The following METTL16 variants were observed in gnomAD, a reference collection of about 807,000 sequenced individuals.
The protein encoded by METTL16 is RNA N(6)-adenosine-methyltransferase METTL16.
A neutral mutation model predicts 57.9 loss-of-function variants in METTL16; 19 were observed. The ratio of observed to expected loss-of-function variants is 0.33; its 90% confidence interval spans 0.23 to 0.48. The LOEUF is 0.48. METTL16 is among the 20% of genes least tolerant of loss of function. The pLI, the probability that METTL16 is intolerant of heterozygous loss-of-function variation, is 0.99. For missense variants in METTL16, 434 were observed against 691.5 expected, an observed-to-expected ratio of 0.63 and a Z score of 4.18; for synonymous variants, 246 against 255.6, an observed-to-expected ratio of 0.96 and a Z score of 0.36.
At chr17:2,435,973 G>A (rs2066906028) in intron 8 of METTL16, among the ~76,000 whole-genome samples, 3 of 152,124 alleles carry the variant, frequency 2.0e-5, no homozygotes, top group South Asian at 4.1e-4. Flanking sequence ...GACCTGACAA[G>A]GCTACTCATG....
chr17:2,498,692 T>C (rs1459530491), intron 2 of METTL16, among the ~76,000 whole-genome samples: 1 of 151,194 alleles, frequency 6.6e-6, no homozygotes, highest in African/African-American at 2.5e-5. Flanking sequence ...TGAACCAAGA[T>C]GACATTACTG....
At chr17:2,502,623 G>A (rs1448255524) in intron 1 of METTL16, among the ~76,000 whole-genome samples, 2 of 152,160 alleles carry the variant, frequency 1.3e-5, no homozygotes, top group East Asian at 3.9e-4. Context: ...AGGAGGTGGA[G>A]GGTGCAGTGA....
At chr17:2,503,746 C>T (rs1597475052) in intron 1 of METTL16, among the ~76,000 whole-genome samples, 2 of 151,076 alleles carry the variant, frequency 1.3e-5, no homozygotes, top group East Asian at 3.9e-4. Flanking sequence ...AAACAAAATA[C>T]AGTATATCCA....
chr17:2,433,819 C>T (rs554050197), intron 8 of METTL16, among the ~76,000 whole-genome samples: 29 of 152,138 alleles, frequency 1.9e-4, no homozygotes, highest in Non-Finnish European at 3.2e-4. Context: ...ACACTGGGAA[C>T]GCCACCCACC....
At position 2,446,591 on chromosome 17, in the gene METTL16, GCTCTCCCTCTCC is replaced by G. The variant is rs372024803; in HGVS notation, c.729-5044_729-5033del. Among the ~76,000 whole-genome samples, 146 of 142,812 alleles carry G rather than the reference GCTCTCCCTCTCC, an allele frequency of 1.0e-3. 4 individuals carry two copies. Among genetic ancestry groups the G allele is most frequent in the African/African-American group, 3.3e-3 (114 of 34,814 alleles). The allele number at this position is 142,812 out of a possible 152,430, so 93.7% of individuals were successfully genotyped here. On this transcript the variant is annotated intron_variant, in intron 6 of 9. Transcript: ENST00000263092. ...AGGTCAAGAGATCAAGAGCATCCTG[GCTCTCCCTCTCC>G]CTCTCCCTCTCCCTCTCCCTCCACG...
intron 6 of METTL16, among the ~76,000 whole-genome samples, chr17:2,461,218 G>A (rs532137779): frequency 9.2e-5 from 14 of 152,196 alleles, no homozygotes; most frequent in African/African-American, 1.9e-4. Context: ...TTAGCCAGGC[G>A]TGGTGGCGCG....
intron 1 of METTL16, among the ~76,000 whole-genome samples, chr17:2,507,424 G>A (rs1204972109): frequency 6.7e-6 from 1 of 148,958 alleles, no homozygotes; most frequent in Non-Finnish European, 1.5e-5. Context: ...GGGAGGTGAG[G>A]GGTGCCTCTG....
At chr17:2,474,173 A>G (rs1264276923) in intron 3 of METTL16, among the ~76,000 whole-genome samples, 1 of 152,190 alleles carries the variant, frequency 6.6e-6, no homozygotes, top group East Asian at 1.9e-4. Context: ...TTTACTTTGT[A>G]AAGAGTCTTC....
intron 8 of METTL16, among the ~76,000 whole-genome samples, chr17:2,436,335 C>G (rs918797182): frequency 2.0e-5 from 3 of 152,168 alleles, no homozygotes; most frequent in Admixed American, 6.5e-5. Flanking sequence ...GGAGTCTACC[C>G]TTCATGGAAG....
intron 6 of METTL16, among the ~76,000 whole-genome samples, chr17:2,456,836 T>G (rs534491627): frequency 6.6e-6 from 1 of 152,212 alleles, no homozygotes; most frequent in Non-Finnish European, 1.5e-5. Flanking sequence ...TTGCCCAGGC[T>G]GGAGTACACT....
At chr17:2,448,800 T>TTA (rs2067042856) in intron 6 of METTL16, among the ~76,000 whole-genome samples, 1 of 64,310 alleles carries the variant, frequency 1.6e-5, no homozygotes, top group Non-Finnish European at 3.0e-5. Flanking sequence ...AAAAATAAAA[T>TTA]TTAAAAAAAA....
chr17:2,491,148 C>T (rs1053107675), intron 2 of METTL16, among the ~76,000 whole-genome samples: 1 of 152,164 alleles, frequency 6.6e-6, no homozygotes, highest in African/African-American at 2.4e-5. Context: ...CACAGACAGG[C>T]AAGATCTTTT....
At chr17:2,489,111 C>CTTTTTTTTTTTTTTT (rs11404983) in intron 2 of METTL16, among the ~76,000 whole-genome samples, 1 of 146,324 alleles carries the variant, frequency 6.8e-6, no homozygotes, top group Non-Finnish European at 1.5e-5. Flanking sequence ...ACTTTTCATT[C>CTTTTTTTTTTTTTTT]TTTTTTTTTT....
chr17:2,428,583 ATATATATATATATATAT>A lies in METTL16; in HGVS notation c.889-7696_889-7680del, dbSNP rs1567881591. Among the ~76,000 whole-genome samples the A allele has an allele frequency of 4.3e-4, 20 of 46,202 alleles. 5 individuals are homozygous for A. Among genetic ancestry groups the A allele is most frequent in the African/African-American group, 1.4e-3 (15 of 10,540 alleles). 30.3% of individuals were successfully genotyped at this position (46,202 alleles called of 152,430 possible). ...AAAAAAAATATATATATATATATAT[ATATATATATATATATAT>A]ATAAATTGTAATACAGCGGGGCACA... is the stretch of plus-strand genomic sequence containing the variant. On this transcript the variant is annotated intron_variant, in intron 8 of 9. Transcript: ENST00000263092.
chr17:2,469,181 G>A (rs1038287204), intron 4 of METTL16, among the ~76,000 whole-genome samples: 15 of 152,120 alleles, frequency 9.9e-5, no homozygotes, highest in African/African-American at 3.4e-4. Context: ...AGGTTGCAGT[G>A]AGCAGCAGAT....
In METTL16 at chr17:2,457,104, C is replaced by G. The variant is rs891278813; in HGVS notation, c.728+7104G>C. ...ATCCCAGCACTTTGGGAGGCCAAGG[C>G]GGGTGGATCACGAGGTCATGAGATC... On this transcript the variant is annotated intron_variant, in intron 6 of 9. Transcript: ENST00000263092. 2.0e-5 allele frequency among the ~76,000 whole-genome samples: 3 copies of G among 151,144 alleles called. 1 individual carries two copies. The highest frequency in any genetic ancestry group is 7.3e-5 in the African/African-American group (3 of 41,090).
rs1157276515 is a variant in METTL16, at chr17:2,417,044, C to CTGCTCA, written c.*2920_*2925dup. ...ACTCGGCTCCAGACTGAAAGCTGGC[C>CTGCTCA]TGCTCATGGGTTCCTTTTTTTTTTT... is the stretch of plus-strand genomic sequence containing the variant. On this transcript the variant is annotated 3_prime_UTR_variant, in exon 10 of 10. Coordinates refer to ENST00000263092, the MANE Select transcript of METTL16 (RefSeq NM_024086.4). 1 of 125,936 alleles carries CTGCTCA rather than the reference C, an allele frequency of 7.9e-6. No individual in the cohort carries two copies. The highest frequency in any genetic ancestry group is 8.7e-5 in the Admixed American group (1 of 11,542). 7.8% of individuals were successfully genotyped at this position (125,936 alleles called of 1,614,324 possible). A position where few individuals can be genotyped will look rare whatever the true frequency, so the allele number is the denominator to read the frequency against.
chr17:2,443,293 T>C (rs2066967389), intron 6 of METTL16, among the ~76,000 whole-genome samples: 1 of 152,192 alleles, frequency 6.6e-6, no homozygotes, highest in Non-Finnish European at 1.5e-5. Flanking sequence ...ATAACTTGAA[T>C]AGTTCTCTAT....
intron 2 of METTL16, among the ~76,000 whole-genome samples, chr17:2,500,574 G>GC (rs1444057396): frequency 6.6e-6 from 1 of 151,948 alleles, no homozygotes; most frequent in Non-Finnish European, 1.5e-5. Context: ...GAGCCACCGC[G>GC]CCCGGCCACT....
Sources: allele counts gnomAD v4.1 joint callset (sites outside exome capture counted in the v4.1 genomes callset), GRCh38; gene constraint gnomAD v4.1.1; transcripts MANE v1.5; gene names NCBI Gene and HGNC (gene_info 2026-07-23, HGNC 2026-07-21).